The following NKAIN3 variants were observed in gnomAD, a reference collection of about 807,000 sequenced individuals.
NKAIN3 encodes sodium/potassium-transporting ATPase subunit beta-1-interacting protein 3.
In NKAIN3, 25 loss-of-function variants were observed where a neutral mutation model predicts 30.2. The observed-to-expected ratio is 0.83, with a 90% CI of 0.60 to 1.16. The LOEUF (loss-of-function observed/expected upper bound fraction) is 1.16. Among genes scored for constraint, NKAIN3 ranks in the 50% most tolerant of loss-of-function variants. The pLI, the probability that NKAIN3 is intolerant of heterozygous loss-of-function variation, is 0.00. For missense variants in NKAIN3, 225 were observed against 254.1 expected, an observed-to-expected ratio of 0.89 and a Z score of 0.78; for synonymous variants, 91 against 89.6, an observed-to-expected ratio of 1.02 and a Z score of -0.09.
intron 1 of NKAIN3, among the ~76,000 whole-genome samples, chr8:62,403,867 G>A (rs973490438): frequency 6.6e-6 from 1 of 152,276 alleles, no homozygotes. Context: ...TCCACTGACC[G>A]CTTGCACCAT....
chr8:62,883,457 G>GTTGTTGTTGTTTTTT, intron 4 of NKAIN3, among the ~76,000 whole-genome samples: 88 of 70,218 alleles, frequency 1.3e-3, no homozygotes, highest in Middle Eastern at 0.011. Flanking sequence ...AGTTTTATGG[G>GTTGTTGTTGTTTTTT]TTTTTTTTTT....
intron 4 of NKAIN3, among the ~76,000 whole-genome samples, chr8:62,846,634 T>C (rs1191488795): frequency 1.3e-5 from 2 of 152,214 alleles, no homozygotes; most frequent in Middle Eastern, 3.4e-3. Flanking sequence ...TCCAGCTCCA[T>C]CCATGTTCAT....
chr8:62,463,458 T>C (rs1806059668), intron 1 of NKAIN3, among the ~76,000 whole-genome samples: 1 of 152,216 alleles, frequency 6.6e-6, no homozygotes, highest in Non-Finnish European at 1.5e-5. Context: ...GCAGGCATAT[T>C]CTAAAATGTT....
chr8:62,713,092 A>G (rs1183431582), intron 3 of NKAIN3, among the ~76,000 whole-genome samples: 1 of 152,170 alleles, frequency 6.6e-6, no homozygotes, highest in Non-Finnish European at 1.5e-5. Context: ...CTCCTGGGTC[A>G]TGCAGGAGCA....
At chr8:62,667,143 T>A (rs1378694604) in intron 3 of NKAIN3, among the ~76,000 whole-genome samples, 1 of 87,978 alleles carries the variant, frequency 1.1e-5, no homozygotes, top group Admixed American at 1.6e-4. Flanking sequence ...CACTCGGACC[T>A]GTTGTGGGGT....
At chr8:62,546,647 A>G (rs1809025366) in intron 1 of NKAIN3, among the ~76,000 whole-genome samples, 1 of 152,172 alleles carries the variant, frequency 6.6e-6, no homozygotes, top group Admixed American at 6.5e-5. Flanking sequence ...TGGATTTGGA[A>G]AGGCCATGTC....
intron 1 of NKAIN3, among the ~76,000 whole-genome samples, chr8:62,277,766 C>T (rs1196632227): frequency 6.6e-6 from 1 of 152,160 alleles, no homozygotes; most frequent in African/African-American, 2.4e-5. Flanking sequence ...TTTTAATTTT[C>T]TGAGGACTTC....
intron 1 of NKAIN3, among the ~76,000 whole-genome samples, chr8:62,281,323 C>A (rs1010290875): frequency 1.3e-5 from 2 of 152,012 alleles, no homozygotes; most frequent in African/African-American, 4.8e-5. Context: ...TTCAAAAAAC[C>A]AGCTCCTGGA....
At chr8:62,312,782 C>A (rs1037613922) in intron 1 of NKAIN3, among the ~76,000 whole-genome samples, 2 of 148,956 alleles carry the variant, frequency 1.3e-5, no homozygotes, top group Non-Finnish European at 3.0e-5. Context: ...CATGCCACTG[C>A]GGTACAGCCT....
chr8:62,289,011 T>A (rs547327215), intron 1 of NKAIN3, among the ~76,000 whole-genome samples: 1 of 152,174 alleles, frequency 6.6e-6, no homozygotes, highest in African/African-American at 2.4e-5. Flanking sequence ...AGCATTTTTT[T>A]ATGTATCTGT....
At chr8:62,393,627 C>G (rs1430286682) in intron 1 of NKAIN3, among the ~76,000 whole-genome samples, 1 of 151,684 alleles carries the variant, frequency 6.6e-6, no homozygotes, top group African/African-American at 2.4e-5. Flanking sequence ...TTGTCAAATT[C>G]TTATATAGAG....
chr8:62,270,626 C>T (rs1180080124), intron 1 of NKAIN3, among the ~76,000 whole-genome samples: 1 of 152,070 alleles, frequency 6.6e-6, no homozygotes, highest in Non-Finnish European at 1.5e-5. Flanking sequence ...TTACTGTGTT[C>T]ACCACGTTGT....
chr8:62,403,484 C>T (rs1803955876), intron 1 of NKAIN3, among the ~76,000 whole-genome samples: 1 of 152,150 alleles, frequency 6.6e-6, no homozygotes, highest in African/African-American at 2.4e-5. Flanking sequence ...GCTGTTTAAC[C>T]TCAGGACTTG....
intron 1 of NKAIN3, among the ~76,000 whole-genome samples, chr8:62,466,929 G>T (rs935934575): frequency 1.3e-5 from 2 of 152,058 alleles, no homozygotes; most frequent in Admixed American, 1.3e-4. Flanking sequence ...ATTTTAAAAG[G>T]TTAATCAGAT....
intron 1 of NKAIN3, among the ~76,000 whole-genome samples, chr8:62,338,591 T>C (rs965691095): frequency 5.3e-5 from 8 of 151,870 alleles, no homozygotes; most frequent in Non-Finnish European, 1.2e-4. Context: ...AGGATAGATA[T>C]AGGTATATAT....
intron 1 of NKAIN3, among the ~76,000 whole-genome samples, chr8:62,501,642 A>G (rs1807453744): frequency 6.6e-6 from 1 of 152,142 alleles, no homozygotes; most frequent in African/African-American, 2.4e-5. Context: ...TGTATTCTGT[A>G]TGACATAGGC....
At chr8:62,824,827 C>T (rs1247292650) in intron 4 of NKAIN3, among the ~76,000 whole-genome samples, 1 of 152,132 alleles carries the variant, frequency 6.6e-6, no homozygotes, top group South Asian at 2.1e-4. Context: ...GTGAACTGCA[C>T]TAGAATTAGC....
intron 1 of NKAIN3, among the ~76,000 whole-genome samples, chr8:62,346,724 T>C (rs1816018428): frequency 2.0e-5 from 3 of 152,094 alleles, no homozygotes; most frequent in Admixed American, 2.0e-4. Flanking sequence ...TGAGTCCAGT[T>C]ATTCTACATT....
chr8:62,427,903 A>G (rs943794398), intron 1 of NKAIN3, among the ~76,000 whole-genome samples: 6 of 151,926 alleles, frequency 3.9e-5, no homozygotes, highest in Non-Finnish European at 7.4e-5. Context: ...TGTTAACCAT[A>G]GTTTCCCTAT....
Sources: gnomAD v4.1 joint callset for allele counts (sites outside exome capture counted in the v4.1 genomes callset) on GRCh38, gnomAD v4.1.1 for gene constraint, MANE v1.5 for transcripts, NCBI Gene and HGNC (gene_info 2026-07-23, HGNC 2026-07-21) for gene names.